SOX5: variants seen among roughly 807,000 people sequenced by gnomAD.
SOX5 encodes the protein transcription factor SOX-5.
In SOX5, 9 loss-of-function variants were observed where a neutral mutation model predicts 92.0. The ratio of observed to expected loss-of-function variants is 0.10; its 90% CI spans 0.06 to 0.17. SOX5 has a LOEUF of 0.17. Among genes scored for constraint, SOX5 ranks in the 10% least tolerant of loss-of-function variants. The pLI is 1.00. For missense variants in SOX5, 642 were observed against 944.5 expected (o/e 0.68, Z 4.20); for synonymous variants, 344 against 336.3 (o/e 1.02, Z -0.25).
chr12:23,782,537 G>C (rs113822351), intron 3 of SOX5, among the ~76,000 whole-genome samples: 11 of 152,224 alleles, frequency 7.2e-5, no homozygotes, highest in Admixed American at 2.0e-4. Flanking sequence ...GATGAACAGA[G>C]GAAAGAGGAA....
At chr12:23,545,400 CT>C (rs1942927537) in intron 12 of SOX5, among the ~76,000 whole-genome samples, 3 of 152,176 alleles carry the variant, frequency 2.0e-5, no homozygotes, top group African/African-American at 7.2e-5. Flanking sequence ...GCACTTCCTT[CT>C]TTTTCCCTCT....
At chr12:24,126,661 T>A (rs187964675) in intron 4 of SOX5, among the ~76,000 whole-genome samples, 5 of 152,288 alleles carry the variant, frequency 3.3e-5, no homozygotes, top group Non-Finnish European at 2.9e-5. Flanking sequence ...GACAATTGCA[T>A]TCCCTAGCTA....
At chr12:23,768,728 A>C (rs2094821804) in intron 3 of SOX5, among the ~76,000 whole-genome samples, 1 of 152,166 alleles carries the variant, frequency 6.6e-6, no homozygotes, top group South Asian at 2.1e-4. Context: ...ATTTTCACGT[A>C]AGAAATCTGG....
At chr12:24,480,273 G>A (rs190190402) in intron 1 of SOX5, among the ~76,000 whole-genome samples, 1 of 152,224 alleles carries the variant, frequency 6.6e-6, no homozygotes, top group African/African-American at 2.4e-5. Context: ...ATGAATTGAA[G>A]GCTTAAATCT....
chr12:24,475,370 T>G (rs1420232962), intron 1 of SOX5, among the ~76,000 whole-genome samples: 4 of 152,200 alleles, frequency 2.6e-5, no homozygotes, highest in Non-Finnish European at 5.9e-5. Flanking sequence ...AGCATAAGCC[T>G]CTCGAAGGCA....
At chr12:24,405,879 T>G (rs532922581) in intron 1 of SOX5, among the ~76,000 whole-genome samples, 45 of 152,258 alleles carry the variant, frequency 3.0e-4, no homozygotes, top group African/African-American at 1.0e-3. Context: ...AAGAGGCTAT[T>G]GGATAGAGCT....
intron 8 of SOX5, among the ~76,000 whole-genome samples, chr12:23,633,154 C>A (rs9971956): frequency 0.028 from 4,226 of 152,032 alleles, 93 homozygotes; most frequent in African/African-American, 0.052. Context: ...TTGGCCAAGA[C>A]AAATACAGTA....
intron 5 of SOX5, among the ~76,000 whole-genome samples, chr12:23,740,118 C>A (rs974771122): frequency 6.6e-6 from 1 of 152,182 alleles, no homozygotes; most frequent in East Asian, 1.9e-4. Context: ...TAAGAAACAC[C>A]TGAGCTCTCT....
chr12:24,133,156 T>C (rs1029089770), intron 4 of SOX5, among the ~76,000 whole-genome samples: 34 of 152,336 alleles, frequency 2.2e-4, no homozygotes, highest in African/African-American at 7.7e-4. Flanking sequence ...AGGAAAATCG[T>C]TGCAGAAATG....
At chr12:23,888,097 G>A (rs994087421) in intron 2 of SOX5, among the ~76,000 whole-genome samples, 6 of 152,124 alleles carry the variant, frequency 3.9e-5, no homozygotes, top group Middle Eastern at 3.4e-3. Context: ...GTGATTTTGT[G>A]CTTCTCTTAC....
intron 2 of SOX5, among the ~76,000 whole-genome samples, chr12:24,362,640 A>T (rs1955709230): frequency 6.6e-6 from 1 of 152,190 alleles, no homozygotes; most frequent in Non-Finnish European, 1.5e-5. Context: ...AGTACAACTC[A>T]AATCAGCCCT....
intron 2 of SOX5, among the ~76,000 whole-genome samples, chr12:23,876,554 G>A (rs2096928987): frequency 6.6e-6 from 1 of 152,184 alleles, no homozygotes; most frequent in African/African-American, 2.4e-5. Context: ...TTCAACCATT[G>A]TGGAAGACAG....
intron 9 of SOX5, among the ~76,000 whole-genome samples, chr12:23,601,242 T>C (rs1327828445): frequency 2.0e-5 from 3 of 152,108 alleles, no homozygotes; most frequent in Non-Finnish European, 4.4e-5. Flanking sequence ...CCCCCTTCCA[T>C]TTTTTGCAAA....
chr12:23,681,378 G>A (rs76168123), intron 6 of SOX5, among the ~76,000 whole-genome samples: 16,165 of 151,806 alleles, frequency 0.11, 1,151 homozygotes, highest in Middle Eastern at 0.16. Context: ...CACACAGAAA[G>A]TATGAATTAA....
intron 1 of SOX5, among the ~76,000 whole-genome samples, chr12:24,548,448 C>T (rs921049817): frequency 1.3e-5 from 2 of 152,058 alleles, no homozygotes; most frequent in Non-Finnish European, 2.9e-5. Flanking sequence ...GAGGGAGAAG[C>T]GTTGTACAAA....
intron 3 of SOX5, among the ~76,000 whole-genome samples, chr12:23,802,481 C>T (rs559203451): frequency 2.2e-4 from 33 of 151,910 alleles, no homozygotes; most frequent in Middle Eastern, 3.4e-3. Context: ...TACTAGCCAT[C>T]CCATTCGTTG....
chr12:23,641,445 T>C (rs1481555482), intron 7 of SOX5, among the ~76,000 whole-genome samples: 1 of 152,192 alleles, frequency 6.6e-6, no homozygotes, highest in African/African-American at 2.4e-5. Flanking sequence ...TATGAAATAT[T>C]GACATCTTTA....
At chr12:23,904,948 G>T (rs372395176) in intron 1 of SOX5, among the ~76,000 whole-genome samples, 1 of 151,896 alleles carries the variant, frequency 6.6e-6, no homozygotes, top group African/African-American at 2.4e-5. Flanking sequence ...GATTAGATGC[G>T]CAAAACAATG....
At chr12:24,529,594 G>C (rs1182933614) in intron 1 of SOX5, among the ~76,000 whole-genome samples, 3 of 152,176 alleles carry the variant, frequency 2.0e-5, no homozygotes, top group African/African-American at 2.4e-5. Context: ...GGGAGATATC[G>C]TCAACACTTG....
Sources: allele counts gnomAD v4.1 joint callset (sites outside exome capture counted in the v4.1 genomes callset), GRCh38; gene constraint gnomAD v4.1.1; transcripts MANE v1.5; gene names NCBI Gene and HGNC (gene_info 2026-07-23, HGNC 2026-07-21).